Variants in MFSD6 observed in about 807,000 individuals in gnomAD.
MFSD6 encodes the protein major facilitator superfamily domain containing 6.
A neutral mutation model predicts 56.3 loss-of-function variants in MFSD6; 26 were observed. That is an observed-to-expected ratio of 0.46 (90% CI 0.34 to 0.64). MFSD6 has a LOEUF of 0.64. Ranked by LOEUF, MFSD6 falls within the 30% of genes least tolerant of loss-of-function variation. MFSD6 has a pLI of 0.01. For missense variants in MFSD6, 750 were observed against 986.2 expected (o/e 0.76, Z 3.21); for synonymous variants, 331 against 366.9 (o/e 0.90, Z 1.12).
rs952824120 is a variant in MFSD6 at position 190,424,701 on chromosome 2, C to T, written c.-54+9288C>T. On this transcript the variant is annotated intron_variant, in intron 2 of 7. Transcript: ENST00000392328. The surrounding 1 kb of genome is among the most constrained non-coding windows in gnomAD (Gnocchi z 5.9). ...ACCATTTGTTGAAAGGTTACCTTTCCACCATTGAATTTTTTTTGCATCTTT... is the reference window on the plus strand; with the variant it reads ...ACCATTTGTTGAAAGGTTACCTTTCTACCATTGAATTTTTTTTGCATCTTT... Among the ~76,000 whole-genome samples, 1 of 152,100 alleles carries T rather than the reference C, an allele frequency of 6.6e-6. No homozygotes were observed. Among genetic ancestry groups the T allele is most frequent in the Middle Eastern group, 3.2e-3 (1 of 316 alleles).
At chr2:190,464,544 C>A (rs1434038590) in intron 3 of MFSD6, among the ~76,000 whole-genome samples, 1 of 152,146 alleles carries the variant, frequency 6.6e-6, no homozygotes, top group Non-Finnish European at 1.5e-5. Flanking sequence ...CTTTCAGTCA[C>A]CCTGTCTGGC....
chr2:190,440,108 G>A (rs1686318159), intron 3 of MFSD6, among the ~76,000 whole-genome samples: 1 of 152,164 alleles, frequency 6.6e-6, no homozygotes. Context: ...GTACTTTGTG[G>A]TTGTCCTGTT....
Position 190,437,029 on chromosome 2 carries a change from G to A in MFSD6, c.1000G>A (p.Gly334Ser), listed in dbSNP as rs1184701693. ...GTTGCAGCGCATGTGGGGCTCCCTG[G>A]GCTGGGGCCTGGCGATGCTGTCTGT... ...YGLQRMWGSL[G>S]WGLAMLSVGI... The change falls in exon 3 of 8, where the codon GGC (glycine) becomes AGC (serine). Residue 334 changes from glycine (G) to serine (S), a missense_variant. By Grantham distance (56) the Gly-to-Ser change is moderately conservative. Coordinates refer to ENST00000392328, the MANE Select transcript of MFSD6 (RefSeq NM_017694.4). This position sits in a 1 kb window ranked among gnomAD's most constrained non-coding sequence, Gnocchi z 5.9. 6.2e-7 allele frequency: 1 copy of A among 1,614,210 alleles called. No homozygotes were observed. The highest frequency in any genetic ancestry group is 1.7e-5 in the Admixed American group (1 of 60,024).
rs912395738 is a variant in MFSD6 at position 190,416,170 on chromosome 2, C to A, written c.-54+757C>A. Among the ~76,000 whole-genome samples, 1 of 152,242 alleles carries A rather than the reference C, an allele frequency of 6.6e-6. No individual in the cohort carries two copies. The highest frequency in any genetic ancestry group is 1.5e-5 in the Non-Finnish European group (1 of 68,018). On this transcript the variant is annotated intron_variant, in intron 2 of 7. Transcript: ENST00000392328. The surrounding 1 kb of genome is among the most constrained non-coding windows in gnomAD (Gnocchi z 4.1). ...ATGATGGCTGATAAGGTCTGAGGAA[C>A]CTAAATTATAAATTTTTAATTGACA...
Position 190,499,699 on chromosome 2 carries a change from C to A in MFSD6, c.2173-316C>A. ...GCTTGCCCAGCGACTTGCCACATGG[C>A]TTGGGGGGCTCAGTAAATATTTGCT... On this transcript the variant is annotated intron_variant, in intron 7 of 7. Transcript: ENST00000392328. This position sits in a 1 kb window ranked among gnomAD's most constrained non-coding sequence, Gnocchi z 6.0. The A allele has an allele frequency of 1.0e-6, 1 of 997,788 alleles. No homozygotes were observed. The highest frequency in any genetic ancestry group is 1.4e-6 in the Non-Finnish European group (1 of 726,720). 61.8% of individuals were successfully genotyped at this position (997,788 alleles called of 1,614,324 possible).
Position 190,439,875 on chromosome 2 carries a change from AC to A in MFSD6, c.1532+2315del. Among the ~76,000 whole-genome samples, 1 of 152,364 alleles carries A rather than the reference AC, an allele frequency of 6.6e-6. No individual in the cohort carries two copies. Among genetic ancestry groups the A allele is most frequent in the East Asian group, 1.9e-4 (1 of 5,190 alleles). ...AGCTAAAATGAGAATATGTCCACATACTTAGGTAGAATGGATCTGTTCCTTT... is the reference window on the plus strand; with the variant it reads ...AGCTAAAATGAGAATATGTCCACATATTAGGTAGAATGGATCTGTTCCTTT... On this transcript the variant is annotated intron_variant, in intron 3 of 7. Transcript: ENST00000392328. This position sits in a 1 kb window ranked among gnomAD's most constrained non-coding sequence, Gnocchi z 5.8.
At chr2:190,430,394 A>G (rs1685930638) in intron 2 of MFSD6, among the ~76,000 whole-genome samples, 2 of 150,550 alleles carry the variant, frequency 1.3e-5, no homozygotes, top group Non-Finnish European at 3.0e-5. Flanking sequence ...GAGATTAGGG[A>G]GTGGTGATGA....
At chr2:190,481,018 CT>C (rs1162282653) in intron 4 of MFSD6, among the ~76,000 whole-genome samples, 2 of 152,188 alleles carry the variant, frequency 1.3e-5, no homozygotes, top group African/African-American at 2.4e-5. Flanking sequence ...GGAAATGTGG[CT>C]AGTCAGTGCA....
At position 190,413,411 on chromosome 2, in the gene MFSD6, T is replaced by C. The variant is rs917469018; in HGVS notation, c.-175-1881T>C. On this transcript the variant is annotated intron_variant, in intron 1 of 7. Transcript: ENST00000392328. The surrounding 1 kb of genome is among the most constrained non-coding windows in gnomAD (Gnocchi z 4.1). ...AGAGATGTCTTTCTTTGACATTTGTTGTGGGGCATGTTTTAGAATGGGAGA... is the reference window on the plus strand; with the variant it reads ...AGAGATGTCTTTCTTTGACATTTGTCGTGGGGCATGTTTTAGAATGGGAGA... Among the ~76,000 whole-genome samples the C allele has an allele frequency of 3.3e-5, 5 of 152,146 alleles. No homozygotes were observed. The highest frequency in any genetic ancestry group is 1.2e-4 in the African/African-American group (5 of 41,418).
intron 3 of MFSD6, among the ~76,000 whole-genome samples, chr2:190,453,790 C>T (rs1329602681): frequency 6.6e-6 from 1 of 152,184 alleles, no homozygotes; most frequent in Non-Finnish European, 1.5e-5. Context: ...CCCCAAATAG[C>T]CTAATGACTT....
rs1330260006 is a variant in MFSD6, at chr2:190,462,597, A to G, written c.1533-7161A>G. On this transcript the variant is annotated intron_variant, in intron 3 of 7. Transcript: ENST00000392328. The surrounding 1 kb of genome is among the most constrained non-coding windows in gnomAD (Gnocchi z 5.7). The stretch of plus-strand genomic sequence containing the variant: ...CCAGGGTCTCAGTCTTCAGTGTGCA[A>G]CAGACTGTGATGAGTCCTCTAATGG... 2.0e-5 allele frequency among the ~76,000 whole-genome samples: 3 copies of G among 152,156 alleles called. No homozygotes were observed. The highest frequency in any genetic ancestry group is 4.8e-5 in the African/African-American group (2 of 41,432).
At chr2:190,476,843 G>A (rs1300121177) in intron 4 of MFSD6, among the ~76,000 whole-genome samples, 1 of 152,046 alleles carries the variant, frequency 6.6e-6, no homozygotes, top group Non-Finnish European at 1.5e-5. Flanking sequence ...AGAAAATGTG[G>A]CACATATACA....
At chr2:190,419,894 A>C (rs552003916) in intron 2 of MFSD6, among the ~76,000 whole-genome samples, 1 of 152,340 alleles carries the variant, frequency 6.6e-6, no homozygotes, top group South Asian at 2.1e-4. Flanking sequence ...TACTATCATT[A>C]GACTGTGCCA....
intron 2 of MFSD6, among the ~76,000 whole-genome samples, chr2:190,432,248 G>A (rs755391049): frequency 1.3e-5 from 2 of 152,184 alleles, no homozygotes; most frequent in Non-Finnish European, 2.9e-5. Flanking sequence ...CTGCCTAGAG[G>A]ATGGAAGTCT....
chr2:190,482,022 G>A (rs1272638200), intron 4 of MFSD6, among the ~76,000 whole-genome samples: 1 of 151,308 alleles, frequency 6.6e-6, no homozygotes, highest in Non-Finnish European at 1.5e-5. Flanking sequence ...ATGACCATGT[G>A]GTTAATTCTG....
chr2:190,500,517 G>C lies in MFSD6; in HGVS notation c.*299G>C, dbSNP rs898313045. ...TAGAATTTCTCTGCCAGTGCAGTAA[G>C]AGTTGAAACCGGCAGTTACACTAAG... On this transcript the variant is annotated 3_prime_UTR_variant, in exon 8 of 8. Transcript: ENST00000392328. This position sits in a 1 kb window ranked among gnomAD's most constrained non-coding sequence, Gnocchi z 5.3. The C allele has an allele frequency of 1.7e-5, 6 of 344,546 alleles. No individual in the cohort carries two copies. The highest frequency in any genetic ancestry group is 3.2e-5 in the Non-Finnish European group (6 of 187,098). The allele number at this position is 344,546 out of a possible 1,614,324, so 21.3% of individuals were successfully genotyped here. A position where few individuals can be genotyped will look rare whatever the true frequency, so the allele number is the denominator to read the frequency against.
rs967159524 is a variant in MFSD6 at position 190,461,351 on chromosome 2, C to T, written c.1533-8407C>T. Among the ~76,000 whole-genome samples, 1 of 152,202 alleles carries T rather than the reference C, an allele frequency of 6.6e-6. No individual in the cohort carries two copies. Among genetic ancestry groups the T allele is most frequent in the Admixed American group, 6.5e-5 (1 of 15,276 alleles). On this transcript the variant is annotated intron_variant, in intron 3 of 7. Transcript: ENST00000392328. The surrounding 1 kb of genome is among the most constrained non-coding windows in gnomAD (Gnocchi z 5.5). ...TAAAGTCTCTCTCCCACCCCTTGGG[C>T]AGTCCCCCAATTCCTCTCCTTAGAG...
intron 2 of MFSD6, among the ~76,000 whole-genome samples, chr2:190,432,373 A>C (rs777881094): frequency 6.6e-6 from 1 of 151,900 alleles, no homozygotes; most frequent in Non-Finnish European, 1.5e-5. Context: ...ACCGTTTACA[A>C]CTCTGCTTGG....
At chr2:190,445,984 G>C (rs1405937618) in intron 3 of MFSD6, among the ~76,000 whole-genome samples, 1 of 151,980 alleles carries the variant, frequency 6.6e-6, no homozygotes, top group African/African-American at 2.4e-5. Context: ...TCTGGTACGA[G>C]GGGAAAAAAA....
Sources: gnomAD v4.1 joint callset for allele counts (sites outside exome capture counted in the v4.1 genomes callset) on GRCh38, gnomAD v4.1.1 for gene constraint, Gnocchi (gnomAD v3.1) non-coding constraint, MANE v1.5 for transcripts, NCBI Gene and HGNC (gene_info 2026-07-23, HGNC 2026-07-21) for gene names.